The following OR52A1 variants were observed in gnomAD, a reference collection of about 807,000 sequenced individuals.
OR52A1 encodes the protein olfactory receptor family 52 subfamily A member 1.
In OR52A1, 14 loss-of-function variants were observed where a neutral mutation model predicts 14.3. The ratio of observed to expected loss-of-function variants is 0.98; its 90% CI spans 0.65 to 1.54. The LOEUF (loss-of-function observed/expected upper bound fraction) is 1.54, where lower values mean the gene tolerates loss of function less well. Ranked by LOEUF, OR52A1 falls within the 40% of genes most tolerant of loss-of-function variation. OR52A1 has a pLI of 0.00. For synonymous variants in OR52A1, 151 were observed against 135.3 expected, an observed-to-expected ratio of 1.12 and a Z score of -0.80; for missense variants, 405 against 381.3, an observed-to-expected ratio of 1.06 and a Z score of -0.52.
rs5789370 is a variant in OR52A1, at chr11:5,150,213, G to GAC, written c.*1216_*1217dup. The stretch of plus-strand genomic sequence containing the variant: ...TGGTATGCTGCCACATGCCCAAGCA[G>GAC]ACACACACACACACACACACACACA... On this transcript the variant is annotated 3_prime_UTR_variant, in exon 2 of 2. Transcript: ENST00000380367. 8,325 of 144,640 alleles carry GAC rather than the reference G, an allele frequency of 0.058. 264 individuals are homozygous for GAC. The highest frequency in any genetic ancestry group is 0.18 in the South Asian group (804 of 4,452). 9.0% of individuals were successfully genotyped at this position (144,640 alleles called of 1,614,324 possible).
In OR52A1 at chr11:5,152,649, AG is replaced by A. The variant is rs1349150945; in HGVS notation, c.-281del. The A allele has an allele frequency of 3.1e-6, 1 of 326,512 alleles. No individual in the cohort carries two copies. Among genetic ancestry groups the A allele is most frequent in the East Asian group, 5.2e-5 (1 of 19,280 alleles). The allele number at this position is 326,512 out of a possible 1,614,324, so 20.2% of individuals were successfully genotyped here. ...TTAGAACCAGCAAAATCACCTGGACAGGGGATTGGACTACTGGCCAGTCTGT... is the reference window on the plus strand; with the variant it reads ...TTAGAACCAGCAAAATCACCTGGACAGGGATTGGACTACTGGCCAGTCTGT... On this transcript the variant is annotated 5_prime_UTR_variant, in exon 2 of 2. Coordinates refer to ENST00000380367, the MANE Select transcript of OR52A1 (RefSeq NM_012375.3).
rs374461779 is a variant in OR52A1 at position 5,152,193 on chromosome 11, C to T, written c.177G>A (p.Glu59=). Residue 59 remains glutamate, a synonymous_variant, in exon 2 of 2, where the codon GAG becomes GAA. Transcript: ENST00000380367. ...GCATGCCTAAGAAAATGTACAAGGGCTCATGGAGACTGCGCTCAGATTTGA... is the reference window on the plus strand; with the variant it reads ...GCATGCCTAAGAAAATGTACAAGGGTTCATGGAGACTGCGCTCAGATTTGA... ...SIIKSERSLH[E]PLYIFLGMLG... 3.1e-6 allele frequency: 5 copies of T among 1,614,150 alleles called. No individual in the cohort carries two copies. The South Asian group carries it at 3.3e-5, about 11-fold the overall frequency.
chr11:5,154,531 T>C lies in OR52A1; in HGVS notation c.-406A>G, dbSNP rs1020521943. 3 of 152,244 alleles carry C rather than the reference T, an allele frequency of 2.0e-5. No homozygotes were observed. In the South Asian group the frequency reaches 6.2e-4, roughly 32 times the overall value. 9.4% of individuals were successfully genotyped at this position (152,244 alleles called of 1,614,324 possible). ...CTCTACTTTCTGTCTGCACTCTGTG[T>C]AACAGCATCCAGCTAATGTCATAAA... is the stretch of plus-strand genomic sequence containing the variant. On this transcript the variant is annotated 5_prime_UTR_variant, in exon 1 of 2. Transcript: ENST00000380367.
chr11:5,152,489 C>G lies in OR52A1; in HGVS notation c.-120G>C. ...TTGAGTCTGTCTGATTTGGGTATAA[C>G]TCTAAAATCATCCATCTTATTCACA... On this transcript the variant is annotated 5_prime_UTR_variant, in exon 2 of 2. Transcript: ENST00000380367. The G allele has an allele frequency of 1.5e-6, 1 of 685,214 alleles. No individual in the cohort carries two copies. The highest frequency in any genetic ancestry group is 2.5e-6 in the Non-Finnish European group (1 of 405,470). 42.4% of individuals were successfully genotyped at this position (685,214 alleles called of 1,614,324 possible). A position where few individuals can be genotyped will look rare whatever the true frequency, so the allele number is the denominator to read the frequency against.
chr11:5,147,444 C>T lies in OR52A1; in HGVS notation c.*3987G>A, dbSNP rs919213984. On this transcript the variant is annotated 3_prime_UTR_variant, in exon 2 of 2. Coordinates refer to ENST00000380367, the MANE Select transcript of OR52A1 (RefSeq NM_012375.3). The stretch of plus-strand genomic sequence containing the variant: ...CAAGCAGTTGAAGGCCTGGATAGAA[C>T]AAAAGACTGACTTGCCCCAATCAAG... 4 of 152,094 alleles carry T rather than the reference C, an allele frequency of 2.6e-5. No homozygotes were observed. The highest frequency in any genetic ancestry group is 9.7e-5 in the African/African-American group (4 of 41,410). 9.4% of individuals were successfully genotyped at this position (152,094 alleles called of 1,614,324 possible).
Position 5,151,511 on chromosome 11 carries a change from G to C in OR52A1, c.859C>G (p.Pro287Ala), listed in dbSNP as rs758175975. The change falls in exon 2 of 2, where the codon CCT becomes GCT. Residue 287 changes from proline (P) to alanine (A), a missense_variant. Physicochemically the swap from Pro to Ala is conservative, Grantham distance 27. Transcript: ENST00000380367. The part of the protein sequence containing the change: ...ILFSSIYLLV[P>A]PFLNPLVYGA... ...TAGACAAGTGGATTGAGAAATGGAGGGACCAGCAAGTAAATGCTAGAAAAG... is the reference window on the plus strand; with the variant it reads ...TAGACAAGTGGATTGAGAAATGGAGCGACCAGCAAGTAAATGCTAGAAAAG... 16 of 1,613,916 alleles carry C rather than the reference G, an allele frequency of 9.9e-6. No individual in the cohort carries two copies. Among genetic ancestry groups the C allele is most frequent in the Non-Finnish European group, 1.3e-5 (15 of 1,179,970 alleles).
Position 5,151,961 on chromosome 11 carries a change from T to C in OR52A1, c.409A>G (p.Ile137Val), listed in dbSNP as rs750616093. The part of the protein sequence containing the change: ...AICYPLRHAN[I>V]FTHQLVIQIG... ...TGAATGACAAGCTGGTGGGTGAAGA[T>C]GTTGGCATGTCTTAGTGGATAACAG... The change falls in exon 2 of 2, where the codon ATC becomes GTC. Residue 137 changes from isoleucine to valine, a missense_variant. Physicochemically the swap from Ile to Val is conservative, Grantham distance 29. Coordinates refer to ENST00000380367, the MANE Select transcript of OR52A1 (RefSeq NM_012375.3). The C allele has an allele frequency of 1.2e-6, 2 of 1,614,064 alleles. No homozygotes were observed. Among genetic ancestry groups the C allele is most frequent in the Non-Finnish European group, 1.7e-6 (2 of 1,179,988 alleles).
rs1405931142 is a variant in OR52A1 at position 5,152,708 on chromosome 11, A to C, written c.-321-18T>G. The C allele has an allele frequency of 4.9e-6, 1 of 205,304 alleles. No individual in the cohort carries two copies. The highest frequency in any genetic ancestry group is 2.3e-5 in the African/African-American group (1 of 42,760). The allele number at this position is 205,304 out of a possible 1,614,324, so 12.7% of individuals were successfully genotyped here. A position where few individuals can be genotyped will look rare whatever the true frequency, so the allele number is the denominator to read the frequency against. On this transcript the variant is annotated intron_variant, in intron 1 of 1. Transcript: ENST00000380367. ...TTCCAGACCTGTGGACAAAAAAAAA[A>C]AGAAGTTTATTTTTATTGGACATTG...
rs1846544804 is a variant in OR52A1 at position 5,151,707 on chromosome 11, G to A, written c.663C>T (p.Tyr221=). Reference sequence around the variant, plus strand: ...GAAAAACTGTGATAAATATCTGGATGTAGGACAATGTGATGAATGTGAGGT... The same window carrying A: ...GAAAAACTGTGATAAATATCTGGATATAGGACAATGTGATGAATGTGAGGT... ...GFDLTFITLS[Y]IQIFITVFRL... The change falls in exon 2 of 2, where the codon TAC becomes TAT. Residue 221 remains tyrosine, a synonymous_variant. Coordinates refer to ENST00000380367, the MANE Select transcript of OR52A1 (RefSeq NM_012375.3). 5.6e-6 allele frequency: 9 copies of A among 1,614,180 alleles called. No homozygotes were observed. The highest frequency in any genetic ancestry group is 1.3e-5 in the African/African-American group (1 of 75,060).
intron 1 of OR52A1, among the ~76,000 whole-genome samples, chr11:5,154,169 A>G (rs1391682782): frequency 2.0e-5 from 3 of 152,170 alleles, no homozygotes; most frequent in African/African-American, 7.2e-5. Flanking sequence ...AGAATCCTTT[A>G]ATGGCAATCA....
rs1846498850 is a variant in OR52A1 at position 5,147,924 on chromosome 11, C to T, written c.*3507G>A. On this transcript the variant is annotated 3_prime_UTR_variant, in exon 2 of 2. Transcript: ENST00000380367. Reference sequence around the variant, plus strand: ...TCTCCTGCCTTAGCCTCAGGAGTAGCTAGGAATCACTTGCATTTTTAATAC... The same window carrying T: ...TCTCCTGCCTTAGCCTCAGGAGTAGTTAGGAATCACTTGCATTTTTAATAC... The T allele has an allele frequency of 6.6e-6, 1 of 151,720 alleles. No individual in the cohort carries two copies. The highest frequency in any genetic ancestry group is 2.4e-5 in the African/African-American group (1 of 41,238). The allele number at this position is 151,720 out of a possible 1,614,324, so 9.4% of individuals were successfully genotyped here.
At position 5,152,286 on chromosome 11, in the gene OR52A1, C is replaced by G; in HGVS notation, c.84G>C (p.Trp28Cys). Residue 28 changes from tryptophan to cysteine, a missense_variant, in exon 2 of 2, where the codon TGG becomes TGC. Coordinates refer to ENST00000380367, the MANE Select transcript of OR52A1 (RefSeq NM_012375.3). ...GIPGLESVQCWIGIPFCAIYL... is the reference protein window; with the variant it reads ...GIPGLESVQCCIGIPFCAIYL... ...AAATGGCACAGAATGGAATCCCAAT[C>G]CAGCACTGCACAGATTCTAGGCCTG... 1 of 1,614,066 alleles carries G rather than the reference C, an allele frequency of 6.2e-7. No individual in the cohort carries two copies. The highest frequency in any genetic ancestry group is 8.5e-7 in the Non-Finnish European group (1 of 1,179,964).
chr11:5,149,981 T>C lies in OR52A1; in HGVS notation c.*1450A>G, dbSNP rs1039577310. ...ATGACAAGCAATCCAATATTTCTTA[T>C]ATTTGCAGTGGTTTTAATCTGGTAA... is the stretch of plus-strand genomic sequence containing the variant. On this transcript the variant is annotated 3_prime_UTR_variant, in exon 2 of 2. Transcript: ENST00000380367. The C allele has an allele frequency of 1.3e-5, 2 of 152,174 alleles. No homozygotes were observed. Among genetic ancestry groups the C allele is most frequent in the Non-Finnish European group, 2.9e-5 (2 of 68,018 alleles). 9.4% of individuals were successfully genotyped at this position (152,174 alleles called of 1,614,324 possible).
Position 5,149,041 on chromosome 11 carries a change from T to C in OR52A1, c.*2390A>G, listed in dbSNP as rs972751728. 6 of 152,216 alleles carry C rather than the reference T, an allele frequency of 3.9e-5. No individual in the cohort carries two copies. The highest frequency in any genetic ancestry group is 1.4e-4 in the African/African-American group (6 of 41,464). 9.4% of individuals were successfully genotyped at this position (152,216 alleles called of 1,614,324 possible). ...AAAATTATCCTTACAAAAAATATTA[T>C]TATCTTTCAAGCAATTTTATGTTAA... On this transcript the variant is annotated 3_prime_UTR_variant, in exon 2 of 2. Transcript: ENST00000380367.
chr11:5,151,512 GACCAGCAAGTAAATGCTAGAA>G lies in OR52A1; in HGVS notation c.837_857del (p.Ser280_Val286del), dbSNP rs549766506. On this transcript the variant is annotated inframe_deletion, in exon 2 of 2. Transcript: ENST00000380367. ...AGACAAGTGGATTGAGAAATGGAGG[GACCAGCAAGTAAATGCTAGAA>G]AAGAGAATATGGATATAAGGGGAGA... The G allele has an allele frequency of 2.4e-5, 39 of 1,614,048 alleles. No individual in the cohort carries two copies. In the South Asian group the frequency reaches 4.0e-4, roughly 16 times the overall value.
rs1234014151 is a variant in OR52A1 at position 5,151,568 on chromosome 11, C to CT, written c.801_802insA (p.Gly268ArgfsTer14). ...TGGATATAAGGGGAGATGTGAGACCCAAACCTATGTGTGAAGAAGGAGAAG... is the reference window on the plus strand; with the variant it reads ...TGGATATAAGGGGAGATGTGAGACCCTAAACCTATGTGTGAAGAAGGAGAAG... On this transcript the variant is annotated frameshift_variant, in exon 2 of 2. Transcript: ENST00000380367. LOFTEE classifies it high-confidence loss of function. The CT allele has an allele frequency of 7.4e-6, 12 of 1,613,670 alleles. No individual in the cohort carries two copies. Among genetic ancestry groups the CT allele is most frequent in the African/African-American group, 1.3e-5 (1 of 74,822 alleles).
In OR52A1 at chr11:5,151,832, A is replaced by G; in HGVS notation, c.538T>C (p.Ser180Pro). 1 of 1,614,124 alleles carries G rather than the reference A, an allele frequency of 6.2e-7. No homozygotes were observed. The highest frequency in any genetic ancestry group is 8.5e-7 in the Non-Finnish European group (1 of 1,180,016). The stretch of plus-strand genomic sequence containing the variant: ...ACAATGGCCATATGCTCACAGTAGG[A>G]GTGGGAGATGACTGTTGTGTGATAA... ...QFYHTTVISH[S>P]YCEHMAIVKL... Residue 180 changes from serine to proline, a missense_variant, in exon 2 of 2, where the codon TCC (serine) becomes CCC (proline). Ser to Pro is a moderately conservative substitution (Grantham distance 74, BLOSUM62 -1). Coordinates refer to ENST00000380367, the MANE Select transcript of OR52A1 (RefSeq NM_012375.3).
In OR52A1 at chr11:5,151,920, G is replaced by T. The variant is rs143372683; in HGVS notation, c.450C>A (p.Val150=). The stretch of plus-strand genomic sequence containing the variant: ...CTACAAGAATAGCAGCCCTGAGTAC[G>T]ACCATAGTTCCTATCTGAATGACAA... ...HQLVIQIGTM[V]VLRAAILVAP... The change falls in exon 2 of 2, where the codon GTC becomes GTA. Residue 150 remains valine (V), a synonymous_variant. Coordinates refer to ENST00000380367, the MANE Select transcript of OR52A1 (RefSeq NM_012375.3). 13 of 1,614,048 alleles carry T rather than the reference G, an allele frequency of 8.1e-6. No homozygotes were observed. Among genetic ancestry groups the T allele is most frequent in the Non-Finnish European group, 5.1e-6 (6 of 1,179,996 alleles).
chr11:5,147,151 A>G lies in OR52A1; in HGVS notation c.*4280T>C, dbSNP rs1002052345. On this transcript the variant is annotated 3_prime_UTR_variant, in exon 2 of 2. Transcript: ENST00000380367. ...AATGGTTGAACGTGGATGAATTCCTACAAGCTTTATTTTGTCCCAATATTA... is the reference window on the plus strand; with the variant it reads ...AATGGTTGAACGTGGATGAATTCCTGCAAGCTTTATTTTGTCCCAATATTA... The G allele has an allele frequency of 6.6e-6, 1 of 151,102 alleles. No homozygotes were observed. Among genetic ancestry groups the G allele is most frequent in the Non-Finnish European group, 1.5e-5 (1 of 67,786 alleles). The allele number at this position is 151,102 out of a possible 1,614,324, so 9.4% of individuals were successfully genotyped here.
Sources: gnomAD v4.1 joint callset for allele counts (sites outside exome capture counted in the v4.1 genomes callset) on GRCh38, gnomAD v4.1.1 for gene constraint, MANE v1.5 for transcripts, NCBI Gene and HGNC (gene_info 2026-07-23, HGNC 2026-07-21) for gene names.